The following SLC6A11 variants were observed in gnomAD, a reference collection of about 807,000 sequenced individuals.
SLC6A11 encodes the protein solute carrier family 6 member 11.
Under a neutral mutation model 74.8 loss-of-function variants are expected in SLC6A11, and 25 were observed. The observed-to-expected ratio is 0.33, with a 90% CI of 0.24 to 0.47. The LOEUF (loss-of-function observed/expected upper bound fraction) is 0.47. SLC6A11 is among the 20% of genes least tolerant of loss of function. SLC6A11 has a pLI of 1.00. For missense variants in SLC6A11, 574 were observed against 837.0 expected (o/e 0.69, Z 3.88); for synonymous variants, 330 against 330.2 (o/e 1.00, Z 0.01).
intron 6 of SLC6A11, among the ~76,000 whole-genome samples, chr3:10,903,449 G>A (rs1220415780): frequency 6.6e-6 from 1 of 152,170 alleles, no homozygotes; most frequent in African/African-American, 2.4e-5. Flanking sequence ...GCTCCTCTCT[G>A]CCAGATGTTG....
intron 7 of SLC6A11, among the ~76,000 whole-genome samples, chr3:10,917,264 ATATGAGAAAGTTCTTAGCACGCTAAGCAG>A (rs1268468370): frequency 6.6e-6 from 1 of 152,204 alleles, no homozygotes; most frequent in Non-Finnish European, 1.5e-5. Context: ...GGTGAATACA[ATATGAGAAAGTTCTTAGCACGCTAAGCAG>A]TAAGAGCTGT....
rs185132095 is a variant in SLC6A11, at chr3:10,840,543, G to A, written c.624-3671G>A. On this transcript the variant is annotated intron_variant, in intron 4 of 13. Coordinates refer to ENST00000254488, the MANE Select transcript of SLC6A11 (RefSeq NM_014229.3). Reference sequence around the variant, plus strand: ...TGTCTGGCACACTGATGACGCTTTCGTAAGTATTGTTTAAATAAATTACTA... The same window carrying A: ...TGTCTGGCACACTGATGACGCTTTCATAAGTATTGTTTAAATAAATTACTA... Among the ~76,000 whole-genome samples, 44 of 152,308 alleles carry A rather than the reference G, an allele frequency of 2.9e-4. 1 individual carries two copies. In the East Asian group the frequency reaches 4.1e-3, roughly 14 times the overall value.
intron 6 of SLC6A11, among the ~76,000 whole-genome samples, chr3:10,895,821 A>T (rs764542905): frequency 1.3e-5 from 2 of 152,000 alleles, no homozygotes; most frequent in Non-Finnish European, 2.9e-5. Context: ...TAGCTAATGC[A>T]TGTGGGGCTT....
At chr3:10,871,333 A>AATTTT (rs1182292972) in intron 5 of SLC6A11, among the ~76,000 whole-genome samples, 2 of 152,180 alleles carry the variant, frequency 1.3e-5, no homozygotes, top group Admixed American at 1.3e-4. Context: ...TTACATGGTA[A>AATTTT]GGTTCTTTTC....
chr3:10,830,017 C>T (rs1023010303), intron 4 of SLC6A11, among the ~76,000 whole-genome samples: 28 of 151,798 alleles, frequency 1.8e-4, no homozygotes, highest in Admixed American at 9.8e-4. Flanking sequence ...CACTGGCTCT[C>T]CATGAAGAAG....
intron 4 of SLC6A11, among the ~76,000 whole-genome samples, chr3:10,838,082 T>A (rs1049323439): frequency 6.6e-6 from 1 of 152,172 alleles, no homozygotes; most frequent in Non-Finnish European, 1.5e-5. Flanking sequence ...AGTGGCAGGT[T>A]AAAGAAAGGT....
At chr3:10,873,966 T>TAC (rs1559567223) in intron 5 of SLC6A11, among the ~76,000 whole-genome samples, 44 of 130,054 alleles carry the variant, frequency 3.4e-4, no homozygotes, top group Admixed American at 5.7e-4. Flanking sequence ...TGCTACGCTA[T>TAC]GCTATGCTAC....
Position 10,816,872 on chromosome 3 carries a change from G to A in SLC6A11, c.256+351G>A, listed in dbSNP as rs866157157. Among the ~76,000 whole-genome samples the A allele has an allele frequency of 6.6e-6, 1 of 152,216 alleles. No individual in the cohort carries two copies. The highest frequency in any genetic ancestry group is 2.4e-5 in the African/African-American group (1 of 41,462). Reference sequence around the variant, plus strand: ...TTGGAGCCTCAGCTTTCCTAACTGGGAAAACGGCCTGTGGGGAAGGGACTC... The same window carrying A: ...TTGGAGCCTCAGCTTTCCTAACTGGAAAAACGGCCTGTGGGGAAGGGACTC... On this transcript the variant is annotated intron_variant, in intron 1 of 13. Transcript: ENST00000254488. This position sits in a 1 kb window ranked among gnomAD's most constrained non-coding sequence, Gnocchi z 4.2.
intron 6 of SLC6A11, among the ~76,000 whole-genome samples, chr3:10,891,957 A>T (rs1406583918): frequency 6.6e-6 from 1 of 152,240 alleles, no homozygotes; most frequent in East Asian, 1.9e-4. Context: ...AGCTCTGAGC[A>T]ACACAAGGGC....
At chr3:10,911,919 C>T (rs1276921915) in intron 6 of SLC6A11, among the ~76,000 whole-genome samples, 171 bp from the exon 7 acceptor site, 1 of 152,156 alleles carries the variant, frequency 6.6e-6, no homozygotes, top group Non-Finnish European at 1.5e-5. Flanking sequence ...ATGTGGTCCC[C>T]AAGAATAGAA....
rs1694322247 is a variant in SLC6A11, at chr3:10,833,320, C to T, written c.623+9928C>T. On this transcript the variant is annotated intron_variant, in intron 4 of 13. Coordinates refer to ENST00000254488, the MANE Select transcript of SLC6A11 (RefSeq NM_014229.3). Reference sequence around the variant, plus strand: ...CAGGTAATCCACCCACCTTGGCCTCCCAAAGTGCTGGGATTACAGGCATGA... The same window carrying T: ...CAGGTAATCCACCCACCTTGGCCTCTCAAAGTGCTGGGATTACAGGCATGA... 2.0e-5 allele frequency among the ~76,000 whole-genome samples: 3 copies of T among 152,318 alleles called. 1 individual carries two copies. Among genetic ancestry groups the T allele is most frequent in the South Asian group, 4.1e-4 (2 of 4,826 alleles).
chr3:10,927,469 C>G (rs1010126320), intron 9 of SLC6A11, among the ~76,000 whole-genome samples: 12 of 152,052 alleles, frequency 7.9e-5, no homozygotes, highest in Non-Finnish European at 1.5e-4. Context: ...GCTGGGGGCT[C>G]CTTTCATTGT....
chr3:10,854,031 T>TC (rs1388033680), intron 5 of SLC6A11, among the ~76,000 whole-genome samples: 1 of 152,082 alleles, frequency 6.6e-6, no homozygotes, highest in Non-Finnish European at 1.5e-5. Flanking sequence ...CACCAGTAAC[T>TC]CCCCATCACC....
chr3:10,844,366 GC>G lies in SLC6A11; in HGVS notation c.756+21del, dbSNP rs749360756. On this transcript the variant is annotated intron_variant, in intron 5 of 13. Coordinates refer to ENST00000254488, the MANE Select transcript of SLC6A11 (RefSeq NM_014229.3). ...GGAAAGGTAAGAGGTCGATCTTCAAGCAGCTAACCGTGGCAGGGGAAGGCAC... is the reference window on the plus strand; with the variant it reads ...GGAAAGGTAAGAGGTCGATCTTCAAGAGCTAACCGTGGCAGGGGAAGGCAC... 3 of 1,613,976 alleles carry G rather than the reference GC, an allele frequency of 1.9e-6. No individual in the cohort carries two copies. In the Admixed American group the frequency reaches 5.0e-5, roughly 27 times the overall value.
chr3:10,828,323 T>C (rs1248182143), intron 4 of SLC6A11, among the ~76,000 whole-genome samples: 1 of 152,260 alleles, frequency 6.6e-6, no homozygotes, highest in African/African-American at 2.4e-5. Context: ...AATTAAGCTC[T>C]AAGGGTATTC....
chr3:10,934,274 G>A, intron 12 of SLC6A11, 108 bp downstream of exon 12: 1 of 745,842 alleles, frequency 1.3e-6, no homozygotes, highest in South Asian at 1.6e-5. Flanking sequence ...GACCTGAGGA[G>A]GCTGATGTCC....
At chr3:10,907,675 C>T (rs1039968063) in intron 6 of SLC6A11, among the ~76,000 whole-genome samples, 5 of 152,180 alleles carry the variant, frequency 3.3e-5, no homozygotes, top group Admixed American at 2.6e-4. Flanking sequence ...GGCACCAGAC[C>T]TTTCTACCAC....
chr3:10,835,957 C>G (rs973170949), intron 4 of SLC6A11, among the ~76,000 whole-genome samples: 2 of 152,210 alleles, frequency 1.3e-5, no homozygotes, highest in Non-Finnish European at 2.9e-5. Context: ...GTGAAGCCAT[C>G]ACCACAATAT....
intron 4 of SLC6A11, chr3:10,823,962 CCAAT>C (rs1402764375): frequency 6.5e-6 from 1 of 153,308 alleles, no homozygotes; most frequent in African/African-American, 2.4e-5. Context: ...TATAGGGTTG[CCAAT>C]CATTGTTGGG....
Sources: gnomAD v4.1 joint callset for allele counts (sites outside exome capture counted in the v4.1 genomes callset) on GRCh38, gnomAD v4.1.1 for gene constraint, Gnocchi (gnomAD v3.1) non-coding constraint, MANE v1.5 for transcripts, NCBI Gene and HGNC (gene_info 2026-07-23, HGNC 2026-07-21) for gene names.